TPRG1: variants seen among roughly 807,000 people sequenced by gnomAD.
The protein encoded by TPRG1 is tumor protein p63 regulated 1.
In TPRG1, 29 loss-of-function variants were observed where a neutral mutation model predicts 29.3. That is an observed-to-expected ratio of 0.99 (90% CI 0.74 to 1.35). TPRG1 has a LOEUF of 1.35. Ranked by LOEUF, TPRG1 falls within the 40% of genes most tolerant of loss-of-function variation. The probability of loss-of-function intolerance (pLI) is 0.00; values close to 1 mark genes in which losing one functional copy is unlikely to be tolerated. For missense variants in TPRG1, 327 were observed against 335.0 expected (o/e 0.98, Z 0.19); for synonymous variants, 130 against 116.8 (o/e 1.11, Z -0.73).
At chr3:189,085,132 G>A (rs899077667) in intron 4 of TPRG1, among the ~76,000 whole-genome samples, 6 of 152,124 alleles carry the variant, frequency 3.9e-5, no homozygotes, top group African/African-American at 1.4e-4. Context: ...GTAAAGCCTT[G>A]CCTTGACTCT....
chr3:189,157,183 T>C (rs1246533348), intron 5 of TPRG1, among the ~76,000 whole-genome samples: 3 of 152,202 alleles, frequency 2.0e-5, no homozygotes, highest in East Asian at 1.9e-4. Context: ...CTATTTGTTA[T>C]GCATCTTAGA....
chr3:189,315,278 TTGTGTGTG>T (rs34255648), intron 5 of TPRG1, among the ~76,000 whole-genome samples: 25 of 143,480 alleles, frequency 1.7e-4, no homozygotes, highest in East Asian at 4.0e-4. Flanking sequence ...CCTGAAAGAA[TTGTGTGTG>T]TGTGTGTGTG....
intron 4 of TPRG1, among the ~76,000 whole-genome samples, chr3:189,035,215 G>C (rs1714183796): frequency 6.6e-6 from 1 of 152,132 alleles, no homozygotes; most frequent in Non-Finnish European, 1.5e-5. Flanking sequence ...TAATGGTACT[G>C]GGATAACTGG....
At chr3:189,112,994 C>A (rs1318492006) in intron 1 of TPRG1, among the ~76,000 whole-genome samples, 1 of 152,138 alleles carries the variant, frequency 6.6e-6, no homozygotes. Flanking sequence ...GATATTGATT[C>A]TTCCTATCCA....
intron 3 of TPRG1, among the ~76,000 whole-genome samples, chr3:189,143,196 T>C (rs913170581): frequency 1.3e-5 from 2 of 152,104 alleles, no homozygotes; most frequent in African/African-American, 4.8e-5. Context: ...TTCCAAAAGG[T>C]TTTACATCCA....
intron 4 of TPRG1, among the ~76,000 whole-genome samples, chr3:189,269,456 A>G (rs550152938): frequency 3.2e-4 from 48 of 152,326 alleles, no homozygotes; most frequent in African/African-American, 1.1e-3. Flanking sequence ...TAGGTGCGCC[A>G]GTTTAAATAC....
chr3:189,243,680 C>T (rs1740964908), intron 4 of TPRG1, among the ~76,000 whole-genome samples: 1 of 152,138 alleles, frequency 6.6e-6, no homozygotes. Flanking sequence ...GCAGCCAGGT[C>T]ACATCTTGAA....
chr3:189,124,106 C>T (rs1021707522), intron 1 of TPRG1, among the ~76,000 whole-genome samples: 2 of 152,046 alleles, frequency 1.3e-5, no homozygotes, highest in African/African-American at 4.8e-5. Context: ...ACTTATTATT[C>T]ATTGACTCAC....
intron 4 of TPRG1, among the ~76,000 whole-genome samples, chr3:189,254,307 G>A (rs1483506855): frequency 1.3e-5 from 2 of 152,090 alleles, no homozygotes; most frequent in African/African-American, 4.8e-5. Context: ...TTTTTGTTAG[G>A]TTTGTCAAAG....
At chr3:189,297,145 T>G (rs532625918) in intron 4 of TPRG1, among the ~76,000 whole-genome samples, 1 of 152,100 alleles carries the variant, frequency 6.6e-6, no homozygotes, top group Non-Finnish European at 1.5e-5. Context: ...CAAGCCCGGC[T>G]GATTTTTATA....
intron 3 of TPRG1, among the ~76,000 whole-genome samples, chr3:189,215,878 A>G (rs1735992035): frequency 2.0e-5 from 3 of 152,198 alleles, no homozygotes; most frequent in African/African-American, 4.8e-5. Context: ...GTACATTTCC[A>G]GAGTTAGGAT....
upstream of TPRG1, among the ~76,000 whole-genome samples, chr3:189,169,284 C>T (rs1728520808): frequency 6.6e-6 from 1 of 152,182 alleles, no homozygotes; most frequent in Admixed American, 6.5e-5. Context: ...CCTGCCTCAG[C>T]CTCCCATGTA....
intron 5 of TPRG1, among the ~76,000 whole-genome samples, chr3:189,159,316 G>A (rs758396404): frequency 9.2e-5 from 14 of 152,154 alleles, no homozygotes; most frequent in South Asian, 6.2e-4. Context: ...CACAAGGAAG[G>A]GGTCTCAGGT....
chr3:189,110,495 A>G (rs1158701105), intron 1 of TPRG1, among the ~76,000 whole-genome samples: 1 of 152,082 alleles, frequency 6.6e-6, no homozygotes, highest in Non-Finnish European at 1.5e-5. Flanking sequence ...TGTGCTTTGT[A>G]TTATCTTCCT....
chr3:189,237,692 C>G (rs1258524682), intron 3 of TPRG1, among the ~76,000 whole-genome samples: 2 of 152,038 alleles, frequency 1.3e-5, no homozygotes, highest in Non-Finnish European at 2.9e-5. Flanking sequence ...ATAAAGTGAA[C>G]AAGGAGTGAC....
chr3:189,177,814 A>G (rs1729693296), intron 1 of TPRG1, among the ~76,000 whole-genome samples: 1 of 152,156 alleles, frequency 6.6e-6, no homozygotes, highest in African/African-American at 2.4e-5. Context: ...TTCTGTAGAC[A>G]ATGCATCCCT....
chr3:189,219,500 T>C, intron 3 of TPRG1: 1 of 944,962 alleles, frequency 1.1e-6, no homozygotes, highest in Non-Finnish European at 1.4e-6. Flanking sequence ...TCCTATTACC[T>C]TTCTTATTGG....
At chr3:189,300,385 C>T (rs1720644671) in intron 4 of TPRG1, among the ~76,000 whole-genome samples, 1 of 152,196 alleles carries the variant, frequency 6.6e-6, no homozygotes, top group Admixed American at 6.5e-5. Flanking sequence ...ACAGATGACA[C>T]ATCTTAAATA....
intron 4 of TPRG1, among the ~76,000 whole-genome samples, chr3:189,258,005 T>C (rs59992147): frequency 0.051 from 7,839 of 152,268 alleles, 431 homozygotes; most frequent in African/African-American, 0.14. Context: ...CTTCTGTCAA[T>C]TAGTCAAACT....
Sources: gnomAD v4.1 joint callset for allele counts (sites outside exome capture counted in the v4.1 genomes callset) on GRCh38, gnomAD v4.1.1 for gene constraint, MANE v1.5 for transcripts, NCBI Gene and HGNC (gene_info 2026-07-23, HGNC 2026-07-21) for gene names.